TMTC2: variants seen among roughly 807,000 people sequenced by gnomAD.
TMTC2 encodes the protein transmembrane O-mannosyltransferase targeting cadherins 2.
Under a neutral mutation model 82.4 loss-of-function variants are expected in TMTC2, and 43 were observed. The observed-to-expected ratio is 0.52, with a 90% confidence interval of 0.41 to 0.67. The LOEUF is 0.67. Ranked by LOEUF, TMTC2 falls within the 30% of genes least tolerant of loss-of-function variation. The pLI is 0.00. For synonymous variants in TMTC2, 408 were observed against 381.9 expected (o/e 1.07, Z -0.80); for missense variants, 919 against 1,012.4 (o/e 0.91, Z 1.25).
intron 4 of TMTC2, among the ~76,000 whole-genome samples, chr12:82,949,815 G>T (rs144660223): frequency 3.3e-5 from 5 of 152,142 alleles, no homozygotes; most frequent in African/African-American, 4.8e-5. Context: ...TATCTCACTG[G>T]CAACCACGTC....
chr12:82,853,780 C>T (rs527382159), intron 1 of TMTC2, among the ~76,000 whole-genome samples: 13 of 152,232 alleles, frequency 8.5e-5, no homozygotes, highest in African/African-American at 3.1e-4. Context: ...CCTTTGAGCT[C>T]TCCACTGCCC....
chr12:82,986,855 T>C (rs994200625), intron 8 of TMTC2, among the ~76,000 whole-genome samples: 4 of 152,168 alleles, frequency 2.6e-5, no homozygotes, highest in Non-Finnish European at 5.9e-5. Flanking sequence ...TAGTGAATAG[T>C]TTAAAAGTTT....
At chr12:83,044,213 T>G (rs937975913) in intron 9 of TMTC2, among the ~76,000 whole-genome samples, 1 of 152,172 alleles carries the variant, frequency 6.6e-6, no homozygotes, top group Admixed American at 6.6e-5. Context: ...ATAGAGATAT[T>G]ATTAATATTA....
At chr12:82,913,330 C>T (rs1874809111) in intron 3 of TMTC2, among the ~76,000 whole-genome samples, 1 of 152,068 alleles carries the variant, frequency 6.6e-6, no homozygotes, top group South Asian at 2.1e-4. Context: ...GACCATCATA[C>T]TTTGGTTTTG....
chr12:82,800,664 G>A (rs1436197053), intron 1 of TMTC2, among the ~76,000 whole-genome samples: 1 of 152,136 alleles, frequency 6.6e-6, no homozygotes, highest in Non-Finnish European at 1.5e-5. Context: ...ACACTTAAGA[G>A]CTTGGAAATG....
At chr12:82,842,249 G>A (rs577397566) in intron 1 of TMTC2, among the ~76,000 whole-genome samples, 10 of 152,266 alleles carry the variant, frequency 6.6e-5, no homozygotes, top group South Asian at 4.1e-4. Flanking sequence ...TGTGTGCTTT[G>A]TAAACTTTGT....
chr12:82,711,628 G>A (rs1873622966), intron 1 of TMTC2, among the ~76,000 whole-genome samples: 1 of 152,062 alleles, frequency 6.6e-6, no homozygotes, highest in Admixed American at 6.5e-5. Context: ...GTAAAATCTG[G>A]TTTTCCAAGG....
rs114569588 is a variant in TMTC2 at position 82,824,409 on chromosome 12, A to G, written c.84-32601A>G. On this transcript the variant is annotated intron_variant, in intron 1 of 11. Transcript: ENST00000321196. ...ACCATTCATTATAATAATTTGGTTC[A>G]GGATTATTCTCTGTTCTCTTACCTA... 6.6e-3 allele frequency among the ~76,000 whole-genome samples: 1,008 copies of G among 152,356 alleles called. 8 individuals carry two copies. The highest frequency in any genetic ancestry group is 0.023 in the African/African-American group (964 of 41,586).
At chr12:83,089,438 A>T (rs989273858) in intron 11 of TMTC2, among the ~76,000 whole-genome samples, 2 of 152,214 alleles carry the variant, frequency 1.3e-5, no homozygotes, top group African/African-American at 4.8e-5. Flanking sequence ...TATTAGCTTT[A>T]TGCTACTATG....
intron 3 of TMTC2, among the ~76,000 whole-genome samples, chr12:82,908,700 C>T (rs991402580): frequency 2.6e-5 from 4 of 151,948 alleles, no homozygotes; most frequent in African/African-American, 7.3e-5. Context: ...TTTTTCATTC[C>T]CTCAAAGATT....
chr12:82,777,821 C>G (rs1417429931), intron 1 of TMTC2, among the ~76,000 whole-genome samples: 1 of 152,044 alleles, frequency 6.6e-6, no homozygotes, highest in Admixed American at 6.6e-5. Context: ...TCAGTGGCTC[C>G]TAAATTGTTG....
Position 82,857,477 on chromosome 12 carries a change from T to C in TMTC2, c.551T>C (p.Leu184Ser). The stretch of plus-strand genomic sequence containing the variant: ...GGACTGTGCGCAGGATGCAGCATGT[T>C]GTGGAAGGAACAAGGAGTGACTGTT... ...GSGLCAGCSM[L>S]WKEQGVTVLA... is the part of the protein sequence containing the mutation. Residue 184 changes from leucine (L) to serine (S), a missense_variant, in exon 2 of 12, where the codon TTG becomes TCG. Transcript: ENST00000321196. 2 of 1,614,226 alleles carry C rather than the reference T, an allele frequency of 1.2e-6. No homozygotes were observed. The highest frequency in any genetic ancestry group is 1.7e-6 in the Non-Finnish European group (2 of 1,180,056).
At chr12:83,100,385 T>C (rs1225551770) in intron 11 of TMTC2, among the ~76,000 whole-genome samples, 1 of 152,140 alleles carries the variant, frequency 6.6e-6, no homozygotes, top group Non-Finnish European at 1.5e-5. Context: ...TGTGTTTTTT[T>C]TGTTTTTTGT....
chr12:82,754,244 CAAT>C (rs2136970432), intron 1 of TMTC2, among the ~76,000 whole-genome samples: 1 of 151,964 alleles, frequency 6.6e-6, no homozygotes, highest in African/African-American at 2.4e-5. Flanking sequence ...TTTTTCATAT[CAAT>C]AGTTTAATTC....
chr12:83,079,152 T>G (rs1883380929), intron 11 of TMTC2, among the ~76,000 whole-genome samples: 1 of 152,102 alleles, frequency 6.6e-6, no homozygotes, highest in African/African-American at 2.4e-5. Context: ...TACTGCTACT[T>G]CTATCAGTTA....
At chr12:82,866,405 G>A (rs1871865093) in intron 2 of TMTC2, among the ~76,000 whole-genome samples, 1 of 152,074 alleles carries the variant, frequency 6.6e-6, no homozygotes, top group South Asian at 2.1e-4. Flanking sequence ...ATTTTTTAAA[G>A]GGTCCTTTTT....
chr12:82,876,061 T>TGGTGGC (rs1872510596), intron 2 of TMTC2, among the ~76,000 whole-genome samples: 2 of 113,480 alleles, frequency 1.8e-5, no homozygotes, highest in African/African-American at 6.8e-5. Context: ...GTGGTGGTGG[T>TGGTGGC]GGTGGTGATG....
rs1390458715 is a variant in TMTC2, at chr12:82,972,578, A to G, written c.1948+5581A>G. Among the ~76,000 whole-genome samples the G allele has an allele frequency of 8.5e-5, 13 of 152,292 alleles. No individual in the cohort carries two copies. In the East Asian group the frequency reaches 2.3e-3, roughly 27 times the overall value. On this transcript the variant is annotated intron_variant, in intron 7 of 11. Transcript: ENST00000321196. Reference sequence around the variant, plus strand: ...AATTTATTAGAGCAATTTTTTGTATAAAAAGCTTGTGTGAATTTTAGAATT... The same window carrying G: ...AATTTATTAGAGCAATTTTTTGTATGAAAAGCTTGTGTGAATTTTAGAATT...
chr12:82,853,006 T>C (rs1207270116), intron 1 of TMTC2, among the ~76,000 whole-genome samples: 1 of 152,228 alleles, frequency 6.6e-6, no homozygotes, highest in Non-Finnish European at 1.5e-5. Context: ...TAGTATGTTT[T>C]TCACATGGAT....
Sources: gnomAD v4.1 joint callset for allele counts (sites outside exome capture counted in the v4.1 genomes callset) on GRCh38, gnomAD v4.1.1 for gene constraint, MANE v1.5 for transcripts, NCBI Gene and HGNC (gene_info 2026-07-23, HGNC 2026-07-21) for gene names.